TBL1X: variants seen among roughly 807,000 people sequenced by gnomAD.
The protein encoded by TBL1X is transducin beta like 1 X-linked.
In TBL1X, 10 loss-of-function variants were observed where a neutral mutation model predicts 50.7. That is an observed-to-expected ratio of 0.20 (90% CI 0.12 to 0.33). The LOEUF is 0.33. TBL1X is among the 10% of genes least tolerant of loss of function. The pLI, the probability that TBL1X is intolerant of heterozygous loss-of-function variation, is 1.00. For missense variants in TBL1X, 340 were observed against 504.4 expected (o/e 0.67, Z 3.12); for synonymous variants, 190 against 214.7 (o/e 0.88, Z 1.01).
chrX:9,480,339 G>A (rs2081874679), intron 1 of TBL1X, among the ~76,000 whole-genome samples: 2 of 112,089 alleles, frequency 1.8e-5, no homozygotes, highest in South Asian at 3.7e-4. Flanking sequence ...TGTCTGGTTC[G>A]GAGGATTTTA....
chrX:9,661,131 C>T (rs775524230), intron 5 of TBL1X, among the ~76,000 whole-genome samples: 2 of 112,431 alleles, frequency 1.8e-5, no homozygotes, highest in African/African-American at 6.5e-5. Context: ...TAGAGCAGCC[C>T]GAACAGAGTA....
chrX:9,497,408 C>CAAAA (rs35402306), intron 1 of TBL1X, among the ~76,000 whole-genome samples: 79 of 30,254 alleles, frequency 2.6e-3, no homozygotes, highest in East Asian at 3.8e-3. Context: ...GACTCCATCT[C>CAAAA]AAAAAAAAAA....
At chrX:9,543,453 C>T (rs1030963174) in intron 2 of TBL1X, among the ~76,000 whole-genome samples, 4 of 110,826 alleles carry the variant, frequency 3.6e-5, no homozygotes, top group Admixed American at 9.5e-5. Context: ...CTTCTTCCCC[C>T]GCCCCTCCTT....
intron 5 of TBL1X, among the ~76,000 whole-genome samples, chrX:9,668,951 TAATC>T (rs2082945728): frequency 8.9e-6 from 1 of 111,927 alleles, no homozygotes; most frequent in African/African-American, 3.2e-5. Flanking sequence ...TTTATACAAA[TAATC>T]AGTCCAAGCA....
In TBL1X at chrX:9,697,433, A is replaced by C. The variant is rs770396345; in HGVS notation, c.1114+4A>C. ...CAGCAGTTTCCTTTTCATTCAGGTG[A>C]GTTTTTTGTTGTTGTTGTTGTTGTT... On this transcript the variant is annotated splice_donor_region_variant and intron_variant, in intron 12 of 17. Coordinates refer to ENST00000645353, the MANE Select transcript of TBL1X (RefSeq NM_005647.4). 8.3e-7 allele frequency: 1 copy of C among 1,207,718 alleles called. No individual in the cohort carries two copies. Among genetic ancestry groups the C allele is most frequent in the African/African-American group, 1.7e-5 (1 of 57,284 alleles).
Position 9,509,039 on chromosome X carries a change from A to G in TBL1X, c.-131+7190A>G, listed in dbSNP as rs146491217. On this transcript the variant is annotated intron_variant, in intron 2 of 17. Coordinates refer to ENST00000645353, the MANE Select transcript of TBL1X (RefSeq NM_005647.4). The stretch of plus-strand genomic sequence containing the variant: ...ACCACCATGACACACATACACCTGT[A>G]TAACTAACCTGCACGTTCTGCGCAT... Among the ~76,000 whole-genome samples, 266 of 108,894 alleles carry G rather than the reference A, an allele frequency of 2.4e-3. 1 individual carries two copies. The highest frequency in any genetic ancestry group is 4.7e-3 in the Middle Eastern group (1 of 212). 94.6% of individuals were successfully genotyped at this position (108,894 alleles called of 115,157 possible).
chrX:9,680,121 C>G (rs1015760355), intron 5 of TBL1X, among the ~76,000 whole-genome samples: 1 of 111,217 alleles, frequency 9.0e-6, no homozygotes, highest in Non-Finnish European at 1.9e-5. Context: ...TATAGGGACA[C>G]TGATCCCATT....
intron 2 of TBL1X, among the ~76,000 whole-genome samples, chrX:9,532,218 C>T (rs987639342): frequency 3.6e-5 from 4 of 111,615 alleles, no homozygotes; most frequent in African/African-American, 1.3e-4. Flanking sequence ...AGCCCCTGCC[C>T]CAGGAAGCGA....
At chrX:9,705,645 C>T (rs1327790867) in intron 13 of TBL1X, among the ~76,000 whole-genome samples, 2 of 105,665 alleles carry the variant, frequency 1.9e-5, no homozygotes, top group African/African-American at 6.9e-5. Context: ...AGTCACATCC[C>T]AGGAGCTGAA....
rs777965054 is a variant in TBL1X, at chrX:9,671,006, A to G, written c.212-13037A>G. ...AAATGTCCACATTAGTAGAGGATGA[A>G]AGTACCCTGAAACTCTGCAAAACAG... On this transcript the variant is annotated intron_variant, in intron 5 of 17. Coordinates refer to ENST00000645353, the MANE Select transcript of TBL1X (RefSeq NM_005647.4). 1.9e-4 allele frequency among the ~76,000 whole-genome samples: 21 copies of G among 112,028 alleles called. No individual in the cohort carries two copies. In the South Asian group the frequency reaches 7.5e-3, roughly 40 times the overall value.
At chrX:9,559,095 G>A (rs770015337) in intron 2 of TBL1X, among the ~76,000 whole-genome samples, 58 of 111,662 alleles carry the variant, frequency 5.2e-4, no homozygotes, top group African/African-American at 1.8e-3. Context: ...TGTGAATCCA[G>A]CATCTAACTA....
At position 9,718,859 on chromosome X, in the gene TBL1X, G is replaced by A. The variant is rs1238826586; in HGVS notation, c.*2613G>A. 8.9e-6 allele frequency: 1 copy of A among 111,848 alleles called. No individual in the cohort carries two copies. The highest frequency in any genetic ancestry group is 1.9e-5 in the Non-Finnish European group (1 of 53,171). The allele number at this position is 111,848 out of a possible 1,213,427, so 9.2% of individuals were successfully genotyped here. On this transcript the variant is annotated 3_prime_UTR_variant, in exon 18 of 18. Coordinates refer to ENST00000645353, the MANE Select transcript of TBL1X (RefSeq NM_005647.4). ...CCAGGCTCCATCCCTGGCTTCCCCA[G>A]CCTGCGGCCGCAAGCAAAACCAAGC...
chrX:9,697,337 T>A (rs1469275598), intron 11 of TBL1X, 32 bp from the exon 12 acceptor site: 12 of 1,204,122 alleles, frequency 1.0e-5, no homozygotes, highest in Non-Finnish European at 1.3e-5. Context: ...CCAGAATAGT[T>A]ACTAACTTTT....
intron 2 of TBL1X, among the ~76,000 whole-genome samples, chrX:9,568,328 C>T (rs1359332916): frequency 9.6e-6 from 1 of 103,654 alleles, no homozygotes; most frequent in Non-Finnish European, 2.0e-5. Context: ...GTGTCTCTGG[C>T]GGGCTGTGTA....
chrX:9,605,415 T>A (rs1480065427), intron 2 of TBL1X, among the ~76,000 whole-genome samples: 2 of 112,639 alleles, frequency 1.8e-5, no homozygotes, highest in African/African-American at 6.5e-5. Context: ...ACAGAGGGTC[T>A]CTTTCGATCA....
intron 2 of TBL1X, among the ~76,000 whole-genome samples, chrX:9,625,734 C>G (rs1203314727): frequency 8.9e-6 from 1 of 111,754 alleles, no homozygotes; most frequent in East Asian, 2.8e-4. Context: ...GTCAGGAGTT[C>G]AAGACCAGCC....
At position 9,583,776 on chromosome X, in the gene TBL1X, T is replaced by C. The variant is rs1346478529; in HGVS notation, c.-130-56497T>C. On this transcript the variant is annotated intron_variant, in intron 2 of 17. Coordinates refer to ENST00000645353, the MANE Select transcript of TBL1X (RefSeq NM_005647.4). The stretch of plus-strand genomic sequence containing the variant: ...CATTTAGTAATTATAGTTCGCCTCT[T>C]TTTTTCTGGAGGCTCAAAGTTGATT... Among the ~76,000 whole-genome samples the C allele has an allele frequency of 3.6e-5, 4 of 111,754 alleles. No homozygotes were observed. In the East Asian group the frequency reaches 1.1e-3, roughly 31 times the overall value.
chrX:9,625,843 G>A (rs773367635), intron 2 of TBL1X, among the ~76,000 whole-genome samples: 1 of 112,310 alleles, frequency 8.9e-6, no homozygotes, highest in Non-Finnish European at 1.9e-5. Context: ...GGAGGCCGAG[G>A]CAGGAGAATC....
chrX:9,471,938 G>C (rs947248630), intron 1 of TBL1X, among the ~76,000 whole-genome samples: 8 of 111,612 alleles, frequency 7.2e-5, no homozygotes, highest in Non-Finnish European at 1.3e-4. Flanking sequence ...GCCCAGGCTA[G>C]AATATGGGAG....
Sources: gnomAD v4.1 joint callset for allele counts (sites outside exome capture counted in the v4.1 genomes callset) on GRCh38, gnomAD v4.1.1 for gene constraint, MANE v1.5 for transcripts, NCBI Gene and HGNC (gene_info 2026-07-23, HGNC 2026-07-21) for gene names.